ABR: variants seen among roughly 807,000 people sequenced by gnomAD.
ABR encodes ABR activator of RhoGEF and GTPase.
A neutral mutation model predicts 107.2 loss-of-function variants in ABR; 35 were observed. The ratio of observed to expected loss-of-function variants is 0.33; its 90% CI spans 0.25 to 0.43. The LOEUF (loss-of-function observed/expected upper bound fraction) is 0.43, where lower values mean the gene tolerates loss of function less well. Ranked by LOEUF, ABR falls within the 20% of genes least tolerant of loss-of-function variation. ABR has a pLI of 1.00. For missense variants in ABR, 815 were observed against 1,115.2 expected (o/e 0.73, Z 3.83); for synonymous variants, 498 against 462.0 (o/e 1.08, Z -1.00).
Position 1,028,419 on chromosome 17 carries a change from A to C in ABR, c.1792-15255T>G, listed in dbSNP as rs184218823. On this transcript the variant is annotated intron_variant, in intron 16 of 22. Transcript: ENST00000302538. Reference sequence around the variant, plus strand: ...TGGCTAATTTTTGCATTGTTAGTTGAGACGGGGCTTCTCCATGTTGGCCAG... The same window carrying C: ...TGGCTAATTTTTGCATTGTTAGTTGCGACGGGGCTTCTCCATGTTGGCCAG... Among the ~76,000 whole-genome samples the C allele has an allele frequency of 2.0e-5, 3 of 152,266 alleles. No individual in the cohort carries two copies. The East Asian group carries it at 5.8e-4, about 29-fold the overall frequency.
intron 1 of ABR, among the ~76,000 whole-genome samples, chr17:1,203,196 T>C (rs2042703847): frequency 6.6e-6 from 1 of 152,052 alleles, no homozygotes; most frequent in Non-Finnish European, 1.5e-5. Flanking sequence ...CCATTCCTTT[T>C]AAAAGGTCTT....
chr17:1,168,718 A>G (rs1220238181), intron 1 of ABR, among the ~76,000 whole-genome samples: 2 of 152,228 alleles, frequency 1.3e-5, no homozygotes, highest in Non-Finnish European at 2.9e-5. Flanking sequence ...GGCACCCACA[A>G]CAAGGGCCTG....
chr17:1,048,518 C>T (rs1307040348), intron 16 of ABR, among the ~76,000 whole-genome samples: 5 of 152,264 alleles, frequency 3.3e-5, no homozygotes, highest in Admixed American at 2.0e-4. Context: ...GGAGCCATCG[C>T]AGCCTGCGCC....
chr17:1,179,040 G>C lies in ABR; in HGVS notation c.61+627C>G, dbSNP rs112037862. 0.011 allele frequency among the ~76,000 whole-genome samples: 1,720 copies of C among 151,792 alleles called. 32 individuals are homozygous for C. The highest frequency in any genetic ancestry group is 0.039 in the African/African-American group (1,624 of 41,348). On this transcript the variant is annotated intron_variant, in intron 1 of 22. Coordinates refer to ENST00000302538, the MANE Select transcript of ABR (RefSeq NM_021962.5). The surrounding 1 kb of genome is among the most constrained non-coding windows in gnomAD (Gnocchi z 4.9). ...CTTCTGAGGGTGGTGGTGATGATGAGGGTGGGGGTGGTGATGAGGCTGGCA... is the reference window on the plus strand; with the variant it reads ...CTTCTGAGGGTGGTGGTGATGATGACGGTGGGGGTGGTGATGAGGCTGGCA...
intron 1 of ABR, among the ~76,000 whole-genome samples, chr17:1,161,281 T>C (rs1355433062): frequency 6.6e-6 from 1 of 151,904 alleles, no homozygotes; most frequent in Admixed American, 6.6e-5. Flanking sequence ...CTCATTCCTT[T>C]GCCCAGGCCA....
At position 1,030,830 on chromosome 17, in the gene ABR, A is replaced by G. The variant is rs372862421; in HGVS notation, c.1792-17666T>C. Among the ~76,000 whole-genome samples, 115 of 152,354 alleles carry G rather than the reference A, an allele frequency of 7.5e-4. 1 individual carries two copies. Among genetic ancestry groups the G allele is most frequent in the African/African-American group, 2.7e-3 (112 of 41,590 alleles). ...CCTGGCCAGCCGGACTGGCACTCTGAGACAGCTAACTCGGACAGTTGATTT... is the reference window on the plus strand; with the variant it reads ...CCTGGCCAGCCGGACTGGCACTCTGGGACAGCTAACTCGGACAGTTGATTT... On this transcript the variant is annotated intron_variant, in intron 16 of 22. Transcript: ENST00000302538.
intron 1 of ABR, among the ~76,000 whole-genome samples, chr17:1,166,848 A>T (rs780820863): frequency 3.8e-4 from 58 of 152,176 alleles, no homozygotes; most frequent in Middle Eastern, 3.4e-3. Flanking sequence ...AAAAATACAG[A>T]AACATTAGCT....
chr17:1,062,093 C>T (rs1050318298), intron 10 of ABR, among the ~76,000 whole-genome samples: 1 of 152,216 alleles, frequency 6.6e-6, no homozygotes, highest in African/African-American at 2.4e-5. Context: ...CTAAGCTGAA[C>T]CTGAGAGGTG....
At chr17:1,079,232 C>T (rs1324334567) in intron 6 of ABR, 98 bp downstream of exon 6, 17 of 1,528,220 alleles carry the variant, frequency 1.1e-5, no homozygotes, top group Non-Finnish European at 5.3e-6. Context: ...CTCACACACA[C>T]GCACACACAA....
At chr17:1,105,351 G>C (rs142805623) in intron 2 of ABR, among the ~76,000 whole-genome samples, 1 of 151,954 alleles carries the variant, frequency 6.6e-6, no homozygotes, top group Non-Finnish European at 1.5e-5. Context: ...ATTTGAAATC[G>C]TAAGAAAAAT....
intron 16 of ABR, among the ~76,000 whole-genome samples, chr17:1,047,023 G>T (rs146313551): frequency 0.014 from 2,176 of 152,208 alleles, 47 homozygotes; most frequent in African/African-American, 0.05. Context: ...CCCATCAGGC[G>T]ACCCAGAGTG....
chr17:1,101,950 G>A (rs545493204), intron 2 of ABR, among the ~76,000 whole-genome samples: 146 of 152,082 alleles, frequency 9.6e-4, no homozygotes, highest in African/African-American at 2.8e-3. Flanking sequence ...AGCCAGGATG[G>A]TCTCGATCTC....
At chr17:1,165,149 C>T (rs1489281608) in intron 1 of ABR, among the ~76,000 whole-genome samples, 2 of 152,160 alleles carry the variant, frequency 1.3e-5, no homozygotes, top group African/African-American at 4.8e-5. Flanking sequence ...AAAGACCAAG[C>T]TCCCGGCCTG....
At chr17:1,193,277 C>T (rs960301390) in intron 1 of ABR, among the ~76,000 whole-genome samples, 8 of 151,156 alleles carry the variant, frequency 5.3e-5, no homozygotes, top group Admixed American at 1.3e-4. Flanking sequence ...ACCCCCTCCC[C>T]CTCAATACCC....
intron 16 of ABR, 76 bp from the exon 17 acceptor site, chr17:1,013,240 G>T: frequency 1.5e-6 from 2 of 1,378,056 alleles, no homozygotes; most frequent in Non-Finnish European, 2.1e-6. Flanking sequence ...GGTCAGCACT[G>T]CTCAGAGCCA....
At chr17:1,108,983 C>A in intron 2 of ABR, 2 of 1,598,204 alleles carry the variant, frequency 1.3e-6, no homozygotes, top group Non-Finnish European at 1.7e-6. Context: ...GGTCGGGGTT[C>A]CCAGCTCGCA....
chr17:1,225,490 T>G (rs971088501), intron 1 of ABR, among the ~76,000 whole-genome samples: 3 of 151,484 alleles, frequency 2.0e-5, no homozygotes, highest in Non-Finnish European at 4.4e-5. Flanking sequence ...CCATCTCATC[T>G]AAAATACAAA....
intron 16 of ABR, among the ~76,000 whole-genome samples, chr17:1,046,151 A>G (rs1286714122): frequency 6.7e-6 from 1 of 149,836 alleles, no homozygotes; most frequent in Non-Finnish European, 1.5e-5. Context: ...GATTACAGGC[A>G]CGCACGACCA....
intron 16 of ABR, among the ~76,000 whole-genome samples, chr17:1,039,760 C>CAGCTGTGGG (rs2029997000): frequency 1.3e-5 from 2 of 152,070 alleles, no homozygotes; most frequent in Non-Finnish European, 2.9e-5. Context: ...AGGGAAGAGC[C>CAGCTGTGGG]CCACGTGGGC....
Sources: gnomAD v4.1 joint callset for allele counts (sites outside exome capture counted in the v4.1 genomes callset) on GRCh38, gnomAD v4.1.1 for gene constraint, Gnocchi (gnomAD v3.1) non-coding constraint, MANE v1.5 for transcripts, NCBI Gene and HGNC (gene_info 2026-07-23, HGNC 2026-07-21) for gene names.